The following CFAP221 variants were observed in gnomAD, a reference collection of about 807,000 sequenced individuals.
CFAP221 encodes cilia and flagella associated protein 221.
In CFAP221, 97 loss-of-function variants were observed where a neutral mutation model predicts 113.1. The ratio of observed to expected loss-of-function variants is 0.86; its 90% CI spans 0.73 to 1.02. The LOEUF (loss-of-function observed/expected upper bound fraction) is 1.02. CFAP221 is among the 50% of genes least tolerant of loss of function. The pLI is 0.00. For synonymous variants in CFAP221, 331 were observed against 354.4 expected, an observed-to-expected ratio of 0.93 and a Z score of 0.74; for missense variants, 1,025 against 1,013.4, an observed-to-expected ratio of 1.01 and a Z score of -0.16.
chr2:119,652,676 A>C (rs2104819556), intron 23 of CFAP221, among the ~76,000 whole-genome samples: 1 of 152,322 alleles, frequency 6.6e-6, no homozygotes, highest in South Asian at 2.1e-4. Flanking sequence ...AACATATAAA[A>C]TGTGTTCCTC....
intron 7 of CFAP221, 102 bp from the exon 8 acceptor site, chr2:119,601,115 CT>C (rs1684335049): frequency 2.5e-6 from 3 of 1,193,754 alleles, no homozygotes; most frequent in Non-Finnish European, 2.2e-6. Context: ...TGCCCCTAAT[CT>C]CCACATTGTC....
At chr2:119,550,990 A>G (rs944479017) in intron 3 of CFAP221, among the ~76,000 whole-genome samples, 1 of 152,212 alleles carries the variant, frequency 6.6e-6, no homozygotes, top group Admixed American at 6.5e-5. Flanking sequence ...TTTCATATGA[A>G]CGCAATCATA....
chr2:119,634,903 C>T (rs932892337), intron 19 of CFAP221, among the ~76,000 whole-genome samples: 7 of 152,136 alleles, frequency 4.6e-5, no homozygotes, highest in African/African-American at 1.2e-4. Flanking sequence ...GGTACAACAT[C>T]GCACTTATAG....
intron 21 of CFAP221, among the ~76,000 whole-genome samples, chr2:119,640,193 G>A (rs746298629): frequency 6.9e-6 from 1 of 144,354 alleles, no homozygotes; most frequent in African/African-American, 2.6e-5. Flanking sequence ...CTGGGTGACA[G>A]AGAGAGACTC....
rs149868780 is a variant in CFAP221 at position 119,646,972 on chromosome 2, A to G, written c.2240A>G (p.Asn747Ser). The change falls in exon 22 of 24, where the codon AAT becomes AGT. Residue 747 changes from asparagine (N) to serine (S), a missense_variant. Asn to Ser is a conservative substitution (Grantham distance 46). Transcript: ENST00000413369. ...TTTTTCCACAGCTGCGATTCCTTCAATTCATTTATGCTTCCGATAGACGTC... is the reference window on the plus strand; with the variant it reads ...TTTTTCCACAGCTGCGATTCCTTCAGTTCATTTATGCTTCCGATAGACGTC... ...METTKSCDSFNSFMLPIDVPA... is the reference protein window; with the variant it reads ...METTKSCDSFSSFMLPIDVPA... The G allele has an allele frequency of 4.3e-6, 7 of 1,613,492 alleles. No individual in the cohort carries two copies. In the African/African-American group the frequency reaches 6.7e-5, roughly 15 times the overall value.
At chr2:119,609,313 T>A (rs1323280788) in intron 12 of CFAP221, among the ~76,000 whole-genome samples, 1 of 152,220 alleles carries the variant, frequency 6.6e-6, no homozygotes, top group Non-Finnish European at 1.5e-5. Flanking sequence ...ACTTGCAGAA[T>A]GATCACATAT....
At chr2:119,571,045 G>A (rs1018945209) in intron 6 of CFAP221, among the ~76,000 whole-genome samples, 2 of 151,784 alleles carry the variant, frequency 1.3e-5, no homozygotes, top group Non-Finnish European at 2.9e-5. Context: ...AGACCAGCCT[G>A]GCCAACATGG....
intron 21 of CFAP221, among the ~76,000 whole-genome samples, chr2:119,643,666 CCTG>C (rs1687631044): frequency 6.6e-6 from 1 of 152,182 alleles, no homozygotes; most frequent in South Asian, 2.1e-4. Flanking sequence ...GCCTCAGCCT[CCTG>C]AGTAGCTAGG....
At chr2:119,644,443 C>A (rs917840856) in intron 21 of CFAP221, among the ~76,000 whole-genome samples, 4 of 152,206 alleles carry the variant, frequency 2.6e-5, no homozygotes, top group African/African-American at 9.6e-5. Context: ...TCTGACTATA[C>A]ATGTTCTAAA....
chr2:119,587,094 A>C (rs1325184825), intron 6 of CFAP221, 25 bp from the exon 7 acceptor site: 2 of 1,436,304 alleles, frequency 1.4e-6, no homozygotes, highest in Admixed American at 2.4e-5. Context: ...TAATATTTTT[A>C]TTTTCTTTTT....
At chr2:119,577,196 G>A (rs1023982907) in intron 6 of CFAP221, among the ~76,000 whole-genome samples, 11 of 152,130 alleles carry the variant, frequency 7.2e-5, no homozygotes, top group Admixed American at 1.3e-4. Flanking sequence ...GTGGGGAGGG[G>A]CTCCAGTCCC....
At chr2:119,612,130 A>T (rs745435030) in intron 13 of CFAP221, among the ~76,000 whole-genome samples, 1 of 152,184 alleles carries the variant, frequency 6.6e-6, no homozygotes, top group Non-Finnish European at 1.5e-5. Context: ...CCAGAGTCCT[A>T]GTTACAACTC....
chr2:119,587,124 C>A lies in CFAP221; in HGVS notation c.533C>A (p.Thr178Asn). The change falls in exon 7 of 24, where the codon ACT (threonine) becomes AAT (asparagine). Residue 178 changes from threonine to asparagine, a missense_variant. Thr to Asn is a moderately conservative substitution (Grantham distance 65). Coordinates refer to ENST00000413369, the MANE Select transcript of CFAP221 (RefSeq NM_001271049.2). ...LSNVLLGESK[T>N]YVIPLQCSCP... ...CTTTTTTGTTTGTTTTGCAGCAAAA[C>A]TTATGTTATTCCTTTGCAGTGCAGC... is the stretch of plus-strand genomic sequence containing the variant. 6.7e-7 allele frequency: 1 copy of A among 1,501,488 alleles called. No individual in the cohort carries two copies. The highest frequency in any genetic ancestry group is 1.3e-5 in the South Asian group (1 of 76,344). The allele number at this position is 1,501,488 out of a possible 1,614,324, so 93.0% of individuals were successfully genotyped here. A position where few individuals can be genotyped will look rare whatever the true frequency, so the allele number is the denominator to read the frequency against.
At chr2:119,652,359 T>C (rs1466877176) in intron 23 of CFAP221, among the ~76,000 whole-genome samples, 2 of 152,254 alleles carry the variant, frequency 1.3e-5, no homozygotes, top group Non-Finnish European at 2.9e-5. Flanking sequence ...TTTCATTCTG[T>C]ATAAAGAACT....
intron 7 of CFAP221, 140 bp downstream of exon 7, chr2:119,587,362 C>A: frequency 2.0e-6 from 1 of 493,870 alleles, no homozygotes; most frequent in South Asian, 4.8e-5. Flanking sequence ...AGAATAACGA[C>A]ACTTTGGGAT....
intron 14 of CFAP221, 50 bp downstream of exon 14, chr2:119,615,759 A>G: frequency 7.1e-7 from 1 of 1,400,706 alleles, no homozygotes; most frequent in Middle Eastern, 1.8e-4. Context: ...TCATCAGCAT[A>G]AGGAAATCAA....
intron 8 of CFAP221, chr2:119,602,564 C>A: frequency 1.1e-6 from 1 of 946,264 alleles, no homozygotes; most frequent in Non-Finnish European, 1.3e-6. Context: ...TATGAACTCA[C>A]TCCATGATAT....
chr2:119,555,025 C>T (rs965606949), intron 3 of CFAP221, among the ~76,000 whole-genome samples: 1 of 152,098 alleles, frequency 6.6e-6, no homozygotes, highest in Admixed American at 6.6e-5. Context: ...ATAGACTCCC[C>T]CAAGGAGACA....
intron 5 of CFAP221, among the ~76,000 whole-genome samples, chr2:119,560,259 G>A (rs1359904772): frequency 1.3e-5 from 2 of 152,248 alleles, no homozygotes; most frequent in African/African-American, 2.4e-5. Context: ...GTCAGGAGAC[G>A]CGGTTTGCTG....
Sources: allele counts gnomAD v4.1 joint callset (sites outside exome capture counted in the v4.1 genomes callset), GRCh38; gene constraint gnomAD v4.1.1; transcripts MANE v1.5; gene names NCBI Gene and HGNC (gene_info 2026-07-23, HGNC 2026-07-21).